TENM2: variants seen among roughly 807,000 people sequenced by gnomAD.
The protein encoded by TENM2 is teneurin transmembrane protein 2.
A neutral mutation model predicts 245.2 loss-of-function variants in TENM2; 52 were observed. The observed-to-expected ratio is 0.21, with a 90% CI of 0.17 to 0.27. The LOEUF is 0.27. Ranked by LOEUF, TENM2 falls within the 10% of genes least tolerant of loss-of-function variation. The pLI is 1.00. For missense variants in TENM2, 3,046 were observed against 3,666.8 expected (o/e 0.83, Z 4.37); for synonymous variants, 1,363 against 1,438.9 (o/e 0.95, Z 1.19).
intron 2 of TENM2, among the ~76,000 whole-genome samples, chr5:167,636,389 A>T (rs1345631243): frequency 6.6e-6 from 1 of 152,252 alleles, no homozygotes; most frequent in Admixed American, 6.5e-5. Flanking sequence ...CATTAATCAG[A>T]TAATTTCCAT....
At chr5:167,006,926 G>A in the TENM2 span, among the ~76,000 whole-genome samples, 10 of 152,046 alleles carry the variant, frequency 6.6e-5, no homozygotes, top group Non-Finnish European at 1.3e-4. Context: ...CTCGGCCTCC[G>A]AAAGTGCTGG....
chr5:168,238,729 G>C (rs1178056098), intron 25 of TENM2, among the ~76,000 whole-genome samples: 1 of 152,134 alleles, frequency 6.6e-6, no homozygotes, highest in Non-Finnish European at 1.5e-5. Flanking sequence ...CGTATGCTTG[G>C]TGAGATCAAA....
At chr5:167,961,229 A>G (rs1402895557) in intron 4 of TENM2, among the ~76,000 whole-genome samples, 1 of 152,250 alleles carries the variant, frequency 6.6e-6, no homozygotes, top group Non-Finnish European at 1.5e-5. Flanking sequence ...ATGTAAAGTC[A>G]ATAAAAACTG....
chr5:167,528,122 T>A (rs1771243021), intron 2 of TENM2, among the ~76,000 whole-genome samples: 1 of 152,196 alleles, frequency 6.6e-6, no homozygotes, highest in African/African-American at 2.4e-5. Flanking sequence ...ATTATTAAAG[T>A]GTCCAGTGAA....
the TENM2 span, among the ~76,000 whole-genome samples, chr5:167,044,687 C>G: frequency 6.6e-6 from 1 of 152,254 alleles, no homozygotes; most frequent in East Asian, 1.9e-4. Flanking sequence ...GAATGGAGAA[C>G]CAGCGGGGCT....
chr5:167,153,651 T>G, the TENM2 span, among the ~76,000 whole-genome samples: 1 of 151,428 alleles, frequency 6.6e-6, no homozygotes, highest in African/African-American at 2.4e-5. Flanking sequence ...TTCCTTTAGC[T>G]GTGATATGGC....
chr5:167,114,288 G>A, the TENM2 span, among the ~76,000 whole-genome samples: 2 of 152,128 alleles, frequency 1.3e-5, no homozygotes, highest in Non-Finnish European at 2.9e-5. Flanking sequence ...GCTATAAGTA[G>A]TCTTTAAAAA....
At chr5:168,001,868 A>G (rs977199683) in intron 5 of TENM2, among the ~76,000 whole-genome samples, 8 of 152,248 alleles carry the variant, frequency 5.3e-5, no homozygotes, top group Admixed American at 3.9e-4. Context: ...GTATTAACAC[A>G]TTTATCATTA....
At chr5:168,230,356 G>A (rs1271788617) in intron 25 of TENM2, among the ~76,000 whole-genome samples, 2 of 152,210 alleles carry the variant, frequency 1.3e-5, no homozygotes, top group Non-Finnish European at 2.9e-5. Context: ...GAGAAAGCCT[G>A]GAATTTATTT....
At chr5:167,110,658 C>T in the TENM2 span, among the ~76,000 whole-genome samples, 2 of 152,204 alleles carry the variant, frequency 1.3e-5, no homozygotes, top group Admixed American at 1.3e-4. Flanking sequence ...GACTCCATGT[C>T]TGCCACTCAC....
At chr5:167,830,317 G>GT (rs552473159) in intron 2 of TENM2, among the ~76,000 whole-genome samples, 76 of 152,102 alleles carry the variant, frequency 5.0e-4, no homozygotes, top group African/African-American at 9.2e-4. Flanking sequence ...GCTTGATAAT[G>GT]TTTTTTTATC....
chr5:168,022,817 T>A (rs547309794), intron 5 of TENM2, among the ~76,000 whole-genome samples: 1 of 152,286 alleles, frequency 6.6e-6, no homozygotes, highest in South Asian at 2.1e-4. Flanking sequence ...ATTGTCCAAA[T>A]GGTTTTTTTA....
At chr5:167,949,372 T>G (rs1162705561) in intron 3 of TENM2, among the ~76,000 whole-genome samples, 1 of 152,208 alleles carries the variant, frequency 6.6e-6, no homozygotes, top group Non-Finnish European at 1.5e-5. Context: ...ATATTCAGCT[T>G]GAGGGCTGTC....
At chr5:167,801,612 C>A (rs1317725635) in intron 2 of TENM2, among the ~76,000 whole-genome samples, 1 of 151,980 alleles carries the variant, frequency 6.6e-6, no homozygotes, top group Admixed American at 6.6e-5. Flanking sequence ...AATTTGGGGA[C>A]AGGAAACCAG....
the TENM2 span, among the ~76,000 whole-genome samples, chr5:167,075,485 G>T: frequency 6.6e-6 from 1 of 152,180 alleles, no homozygotes; most frequent in East Asian, 1.9e-4. Context: ...AAAAGGCAAG[G>T]CTACATGGTG....
chr5:167,628,986 T>C (rs1778693202), intron 2 of TENM2, among the ~76,000 whole-genome samples: 1 of 152,180 alleles, frequency 6.6e-6, no homozygotes, highest in Non-Finnish European at 1.5e-5. Flanking sequence ...CTTACATAAA[T>C]TAATGATAAT....
chr5:167,562,943 G>A (rs1446892460), intron 2 of TENM2, among the ~76,000 whole-genome samples: 3 of 145,856 alleles, frequency 2.1e-5, no homozygotes, highest in Admixed American at 6.9e-5. Flanking sequence ...GGCAACAAGA[G>A]CGAAATTCTG....
rs1763385673 is a variant in TENM2, at chr5:167,419,817, CA to C, written c.502+44345del. On this transcript the variant is annotated intron_variant, in intron 2 of 28. Coordinates refer to ENST00000518659, the Ensembl canonical transcript of TENM2. ...TAAGATTATCCGAAAAGGGAAAACT[CA>C]GCCCTCATTTGAACTAAAATCAGCT... Among the ~76,000 whole-genome samples the C allele has an allele frequency of 2.6e-5, 4 of 152,292 alleles. No individual in the cohort carries two copies. In the South Asian group the frequency reaches 8.3e-4, roughly 32 times the overall value.
At chr5:167,885,940 C>A (rs1383583555) in intron 3 of TENM2, among the ~76,000 whole-genome samples, 1 of 152,200 alleles carries the variant, frequency 6.6e-6, no homozygotes, top group Non-Finnish European at 1.5e-5. Context: ...GCCTCGGCCT[C>A]CCAAAGTGCT....
Sources: gnomAD v4.1 joint callset for allele counts (sites outside exome capture counted in the v4.1 genomes callset) on GRCh38, gnomAD v4.1.1 for gene constraint, MANE v1.5 for transcripts, NCBI Gene and HGNC (gene_info 2026-07-23, HGNC 2026-07-21) for gene names.